Variants in TENM3 observed in about 807,000 individuals in gnomAD.
The protein encoded by TENM3 is teneurin-3.
In TENM3, 63 loss-of-function variants were observed where a neutral mutation model predicts 255.1. The observed-to-expected ratio is 0.25, with a 90% confidence interval of 0.20 to 0.30. TENM3 has a LOEUF of 0.30. Ranked by LOEUF, TENM3 falls within the 10% of genes least tolerant of loss-of-function variation. The pLI, the probability that TENM3 is intolerant of heterozygous loss-of-function variation, is 1.00. For missense variants in TENM3, 2,929 were observed against 3,461.1 expected, an observed-to-expected ratio of 0.85 and a Z score of 3.86; for synonymous variants, 1,306 against 1,322.3, an observed-to-expected ratio of 0.99 and a Z score of 0.27.
chr4:182,212,611 C>G (rs1272820920), intron 1 of TENM3, among the ~76,000 whole-genome samples: 1 of 152,204 alleles, frequency 6.6e-6, no homozygotes, highest in African/African-American at 2.4e-5. Flanking sequence ...AGATTGCTTA[C>G]ATAAAATGCT....
At chr4:182,554,366 G>A (rs1180310039) in intron 3 of TENM3, among the ~76,000 whole-genome samples, 2 of 152,134 alleles carry the variant, frequency 1.3e-5, no homozygotes, top group Admixed American at 6.5e-5. Context: ...ACTGACTTGC[G>A]AAAATCAAGT....
intron 24 of TENM3, among the ~76,000 whole-genome samples, chr4:182,784,786 C>T (rs1156564628): frequency 2.0e-5 from 3 of 152,140 alleles, no homozygotes; most frequent in Admixed American, 6.5e-5. Context: ...GTCGGAAAAG[C>T]GCAGTATTCG....
intron 3 of TENM3, among the ~76,000 whole-genome samples, chr4:182,419,590 A>G (rs1339161890): frequency 2.0e-5 from 3 of 152,218 alleles, no homozygotes; most frequent in Non-Finnish European, 4.4e-5. Flanking sequence ...TTGGAGCACT[A>G]TTCACAATAG....
intron 6 of TENM3, among the ~76,000 whole-genome samples, chr4:182,655,956 G>A (rs959340945): frequency 3.9e-5 from 6 of 152,036 alleles, no homozygotes; most frequent in African/African-American, 1.5e-4. Context: ...AACGCCACTT[G>A]CAACCCACTA....
chr4:181,790,112 G>A, the TENM3 span, among the ~76,000 whole-genome samples: 1 of 152,088 alleles, frequency 6.6e-6, no homozygotes, highest in Non-Finnish European at 1.5e-5. Flanking sequence ...AGCCCCACCT[G>A]AGCACTCTGA....
At chr4:181,977,284 A>G in the TENM3 span, among the ~76,000 whole-genome samples, 5 of 152,246 alleles carry the variant, frequency 3.3e-5, no homozygotes, top group Admixed American at 6.5e-5. Context: ...TGAACAGAAC[A>G]CAGCGCACAG....
chr4:182,002,173 GA>G, the TENM3 span, among the ~76,000 whole-genome samples: 1 of 152,064 alleles, frequency 6.6e-6, no homozygotes, highest in South Asian at 2.1e-4. Flanking sequence ...CTGCCAGAAG[GA>G]AACTCTTTCA....
At chr4:181,762,771 G>C in the TENM3 span, among the ~76,000 whole-genome samples, 1 of 152,128 alleles carries the variant, frequency 6.6e-6, no homozygotes, top group Non-Finnish European at 1.5e-5. Context: ...ATCACTGTTG[G>C]AGTACAGCAA....
At chr4:182,048,608 G>T in the TENM3 span, among the ~76,000 whole-genome samples, 2 of 152,112 alleles carry the variant, frequency 1.3e-5, no homozygotes, top group African/African-American at 4.8e-5. Flanking sequence ...CATGTTCAGG[G>T]TAAAGGATAT....
the TENM3 span, among the ~76,000 whole-genome samples, chr4:182,043,705 G>A: frequency 6.6e-6 from 1 of 152,114 alleles, no homozygotes; most frequent in African/African-American, 2.4e-5. Context: ...TGGGAGCCAC[G>A]CACCTAATTT....
chr4:182,149,606 T>C (rs983335008), intron 1 of TENM3, among the ~76,000 whole-genome samples: 8 of 152,056 alleles, frequency 5.3e-5, no homozygotes. Flanking sequence ...TTGATAACTT[T>C]CTTGGAATCT....
chr4:182,380,210 G>A (rs1324658189), intron 3 of TENM3, among the ~76,000 whole-genome samples: 1 of 152,228 alleles, frequency 6.6e-6, no homozygotes, highest in Non-Finnish European at 1.5e-5. Flanking sequence ...GGCAGAGGTT[G>A]CAGTGAGCCG....
At chr4:181,588,190 GC>G in the TENM3 span, among the ~76,000 whole-genome samples, 1 of 152,192 alleles carries the variant, frequency 6.6e-6, no homozygotes. Context: ...CCGCAAGAAT[GC>G]CCTGCGGTGT....
chr4:181,789,218 A>ATTTTATTTTAT, the TENM3 span, among the ~76,000 whole-genome samples: 2 of 145,550 alleles, frequency 1.4e-5, no homozygotes, highest in Non-Finnish European at 3.0e-5. Context: ...AGCCCCCTTT[A>ATTTTATTTTAT]TTTATTTTAT....
the TENM3 span, among the ~76,000 whole-genome samples, chr4:181,797,522 A>C: frequency 6.6e-6 from 1 of 152,282 alleles, no homozygotes; most frequent in East Asian, 1.9e-4. Context: ...ATGAATGTGT[A>C]TATATTTAAC....
chr4:181,973,174 TATAAC>T, the TENM3 span, among the ~76,000 whole-genome samples: 8 of 152,186 alleles, frequency 5.3e-5, no homozygotes, highest in African/African-American at 1.7e-4. Flanking sequence ...TCCTTCCTCT[TATAAC>T]ATATGCAGTA....
chr4:181,763,755 A>G, the TENM3 span, among the ~76,000 whole-genome samples: 2 of 152,232 alleles, frequency 1.3e-5, no homozygotes, highest in African/African-American at 4.8e-5. Flanking sequence ...TATCCCTTTT[A>G]GCACTAACTC....
the TENM3 span, chr4:181,975,024 T>C: frequency 6.6e-6 from 1 of 152,184 alleles, no homozygotes; most frequent in Admixed American, 6.5e-5. Context: ...TAAGAACATG[T>C]GATATTTGAT....
the TENM3 span, among the ~76,000 whole-genome samples, chr4:181,582,031 C>T: frequency 6.6e-6 from 1 of 152,192 alleles, no homozygotes; most frequent in African/African-American, 2.4e-5. Flanking sequence ...CTGTGCCTGG[C>T]CCCGCCTTAC....
Sources: gnomAD v4.1 joint callset for allele counts (sites outside exome capture counted in the v4.1 genomes callset) on GRCh38, gnomAD v4.1.1 for gene constraint, MANE v1.5 for transcripts, NCBI Gene and HGNC (gene_info 2026-07-23, HGNC 2026-07-21) for gene names.